Variants in ZNF208 observed in about 807,000 individuals in gnomAD.
ZNF208 encodes zinc finger protein 95.
In ZNF208, 10 loss-of-function variants were observed where a neutral mutation model predicts 12.1. The ratio of observed to expected loss-of-function variants is 0.83; its 90% CI spans 0.51 to 1.40. ZNF208 has a LOEUF of 1.40. Ranked by LOEUF, ZNF208 falls within the 40% of genes most tolerant of loss-of-function variation. The probability of loss-of-function intolerance (pLI) is 0.00; values close to 1 mark genes in which losing one functional copy is unlikely to be tolerated. For synonymous variants in ZNF208, 497 were observed against 488.4 expected, an observed-to-expected ratio of 1.02 and a Z score of -0.23; for missense variants, 1,652 against 1,485.0, an observed-to-expected ratio of 1.11 and a Z score of -1.85.
Position 21,967,228 on chromosome 19 carries a change from T to TA in ZNF208, c.*3962dup, listed in dbSNP as rs1270833394. The TA allele has an allele frequency of 1.3e-5, 2 of 152,104 alleles. No individual in the cohort carries two copies. Among genetic ancestry groups the TA allele is most frequent in the Admixed American group, 6.6e-5 (1 of 15,242 alleles). 9.4% of individuals were successfully genotyped at this position (152,104 alleles called of 1,614,324 possible). A position where few individuals can be genotyped will look rare whatever the true frequency, so the allele number is the denominator to read the frequency against. On this transcript the variant is annotated 3_prime_UTR_variant, in exon 4 of 4. Coordinates refer to ENST00000397126, the MANE Select transcript of ZNF208 (RefSeq NM_007153.3). ...AATCTATATTGAGTTGTTTTTTTTT[T>TA]ATAGAAAAAGGTAGTACAGTTTTCT...
intron 4 of ZNF208, among the ~76,000 whole-genome samples, chr19:21,959,998 TA>T (rs1470187383): frequency 2.0e-5 from 3 of 152,166 alleles, no homozygotes; most frequent in East Asian, 1.9e-4. Flanking sequence ...AAATACACAT[TA>T]AAAATAGCTT....
intron 4 of ZNF208, among the ~76,000 whole-genome samples, chr19:21,954,895 G>T (rs1468768847): frequency 6.6e-6 from 1 of 152,008 alleles, no homozygotes; most frequent in African/African-American, 2.4e-5. Flanking sequence ...TGTTGATTTT[G>T]CTCATTAGTT....
chr19:21,954,639 C>A (rs905709793), intron 4 of ZNF208, among the ~76,000 whole-genome samples: 19 of 151,824 alleles, frequency 1.3e-4, no homozygotes, highest in African/African-American at 3.6e-4. Context: ...CTGTTTTATC[C>A]GAGACTAGGA....
At chr19:21,940,434 T>C (rs1301435821) in intron 4 of ZNF208, 1 of 152,140 alleles carries the variant, frequency 6.6e-6, no homozygotes, top group African/African-American at 2.4e-5. Flanking sequence ...TCTAAGTTTG[T>C]GACCATTAAA....
intron 4 of ZNF208, among the ~76,000 whole-genome samples, chr19:21,947,429 G>C (rs560459713): frequency 6.6e-6 from 1 of 152,238 alleles, no homozygotes; most frequent in South Asian, 2.1e-4. Flanking sequence ...AAAATATAAA[G>C]TTGGAGTTTT....
chr19:21,948,816 G>T (rs1003805748), intron 4 of ZNF208, among the ~76,000 whole-genome samples: 2 of 152,054 alleles, frequency 1.3e-5, no homozygotes, highest in African/African-American at 2.4e-5. Context: ...CAAACAGTAG[G>T]TTACCTAGAG....
At position 21,974,127 on chromosome 19, in the gene ZNF208, G is replaced by A. The variant is rs547283798; in HGVS notation, c.907C>T (p.His303Tyr). 116 of 1,607,464 alleles carry A rather than the reference G, an allele frequency of 7.2e-5. 2 individuals are homozygous for A. In the East Asian group the frequency reaches 2.6e-3, roughly 36 times the overall value. The change falls in exon 4 of 4, where the codon CAT becomes TAT. Residue 303 changes from histidine (H) to tyrosine (Y), a missense_variant. Physicochemically the swap from His to Tyr is moderately conservative, Grantham distance 83. Transcript: ENST00000397126. ...AFSKVSTLTTHKAIHAGEKPY... is the reference protein window; with the variant it reads ...AFSKVSTLTTYKAIHAGEKPY... ...TTCTCTCCAGCATGAATTGCCTTAT[G>A]TGTAGTAAGAGTCGAGACCTTACTA...
At position 21,974,367 on chromosome 19, in the gene ZNF208, G is replaced by A. The variant is rs746542423; in HGVS notation, c.667C>T (p.His223Tyr). Residue 223 changes from histidine to tyrosine, a missense_variant, in exon 4 of 4, where the codon CAT becomes TAT. Coordinates refer to ENST00000397126, the MANE Select transcript of ZNF208 (RefSeq NM_007153.3). Reference protein sequence around the residue: ...SSTLTYYKSAHTGEKPYRCKE... With the variant: ...SSTLTYYKSAYTGEKPYRCKE... ...CATCTGTAGGGTTTCTCTCCAGTAT[G>A]AGCACTCTTATAATAAGTAAGGGTT... The A allele has an allele frequency of 1.9e-6, 3 of 1,613,732 alleles. No homozygotes were observed. The South Asian group carries it at 3.3e-5, about 18-fold the overall frequency.
chr19:21,972,717 C>T lies in ZNF208; in HGVS notation c.2317G>A (p.Val773Ile), dbSNP rs558490237. The part of the protein sequence containing the change: ...TLSYHKKIHT[V>I]EKPYKCEECG... ...TCTTCACATTTGTAGGGTTTCTCTA[C>T]AGTATGAATTTTCTTATGATAACTA... The change falls in exon 4 of 4, where the codon GTA becomes ATA. Residue 773 changes from valine to isoleucine, a missense_variant. By Grantham distance (29) the Val-to-Ile change is conservative. Transcript: ENST00000397126. 1.1e-5 allele frequency: 17 copies of T among 1,590,368 alleles called. No individual in the cohort carries two copies. Among genetic ancestry groups the T allele is most frequent in the Non-Finnish European group, 1.4e-5 (16 of 1,166,716 alleles).
rs1970237574 is a variant in ZNF208 at position 21,969,458 on chromosome 19, G to A, written c.*1733C>T. ...TGTAATATCTGAAGTTTGAGTGACA[G>A]GTATTTCTACTGTGAATTAGCTGAT... On this transcript the variant is annotated 3_prime_UTR_variant, in exon 4 of 4. Coordinates refer to ENST00000397126, the MANE Select transcript of ZNF208 (RefSeq NM_007153.3). 6.6e-6 allele frequency among the ~76,000 whole-genome samples: 1 copy of A among 151,926 alleles called. No homozygotes were observed. Among genetic ancestry groups the A allele is most frequent in the South Asian group, 2.1e-4 (1 of 4,828 alleles).
rs368228889 is a variant in ZNF208, at chr19:21,974,443, T to C, written c.591A>G (p.Arg197=). 16 of 1,613,716 alleles carry C rather than the reference T, an allele frequency of 9.9e-6. 1 individual carries two copies. The highest frequency in any genetic ancestry group is 6.7e-5 in the Admixed American group (4 of 59,970). The change falls in exon 4 of 4, where the codon AGA becomes AGG. Residue 197 remains arginine, a synonymous_variant. Transcript: ENST00000397126. The part of the protein sequence containing the change: ...HLSQHKRIYT[R]ENSYKCEEGG... The stretch of plus-strand genomic sequence containing the variant: ...CTTCTTCACATTTGTAGGAATTCTC[T>C]CTAGTATAAATTCTTTTATGTTGAG...
chr19:21,986,567 AT>A (rs755937140), intron 3 of ZNF208, among the ~76,000 whole-genome samples: 2 of 152,192 alleles, frequency 1.3e-5, no homozygotes, highest in Non-Finnish European at 2.9e-5. Flanking sequence ...AAAATGCCAT[AT>A]TATCCAAAGT....
Position 21,970,625 on chromosome 19 carries a change from G to GTTCCAT in ZNF208, c.*565_*566insATGGAA. ...CATTTGTAGGGCTTCTCACCAGTAT[G>GTTCCAT]AATTCTCTTATGTTCCATAAGGTTT... On this transcript the variant is annotated 3_prime_UTR_variant, in exon 4 of 4. Transcript: ENST00000397126. 2 of 965,016 alleles carry GTTCCAT rather than the reference G, an allele frequency of 2.1e-6. No homozygotes were observed. The highest frequency in any genetic ancestry group is 2.6e-5 in the South Asian group (2 of 77,698). 59.8% of individuals were successfully genotyped at this position (965,016 alleles called of 1,614,324 possible).
chr19:21,974,561 G>C lies in ZNF208; in HGVS notation c.473C>G (p.Ser158Ter). ...GKYANVFHKC[S>*]NSNRHKIRHT... ...CCTTATCTTATGTCTGTTTGAATTT[G>C]AACATTTATGAAAGACATTTGCATA... Residue 158 changes from serine (S) to a stop codon, truncating the protein, a stop_gained, in exon 4 of 4, where the codon TCA (serine) becomes TGA (stop). Coordinates refer to ENST00000397126, the MANE Select transcript of ZNF208 (RefSeq NM_007153.3). LOFTEE classifies it low-confidence loss of function (END_TRUNC). 6 of 1,613,574 alleles carry C rather than the reference G, an allele frequency of 3.7e-6. No homozygotes were observed. The Admixed American group carries it at 1.0e-4, about 27-fold the overall frequency.
chr19:21,971,398 A>G lies in ZNF208; in HGVS notation c.3636T>C (p.Leu1212=). Residue 1212 remains leucine (L), a synonymous_variant, in exon 4 of 4, where the codon CTT becomes CTC. Coordinates refer to ENST00000397126, the MANE Select transcript of ZNF208 (RefSeq NM_007153.3). ...CAGTATGAATTTTCTTGTGATATCT[A>G]AGGGTTGAGGGCCACTTATAGGCTT... ...CGKAYKWPST[L]RYHKKIHTGE... is the part of the protein sequence containing the mutation. 1 of 1,608,754 alleles carries G rather than the reference A, an allele frequency of 6.2e-7. No homozygotes were observed. Among genetic ancestry groups the G allele is most frequent in the Non-Finnish European group, 8.5e-7 (1 of 1,179,052 alleles).
At chr19:21,946,485 T>C (rs2666453) in intron 4 of ZNF208, among the ~76,000 whole-genome samples, 84,779 of 152,038 alleles carry the variant, frequency 0.56, 23,901 homozygotes, top group East Asian at 0.69. Flanking sequence ...GTAGGACTTT[T>C]TTCTTTTTGC....
chr19:21,991,163 A>C (rs912174552), intron 1 of ZNF208, among the ~76,000 whole-genome samples: 13 of 152,234 alleles, frequency 8.5e-5, no homozygotes, highest in Admixed American at 7.9e-4. Flanking sequence ...GTGGTGAGAG[A>C]GGGCATCCCT....
In ZNF208 at chr19:22,007,953, G is replaced by A. The variant is rs60317806; in HGVS notation, c.3+2839C>T. On this transcript the variant is annotated intron_variant, in intron 1 of 3. Coordinates refer to ENST00000397126, the MANE Select transcript of ZNF208 (RefSeq NM_007153.3). ...CGTGATGCAGAGGTTTCAGTGAGCC[G>A]AGATTGCACCACTGCAGTCCAGCCT... is the stretch of plus-strand genomic sequence containing the variant. 7.4e-3 allele frequency among the ~76,000 whole-genome samples: 1,059 copies of A among 143,746 alleles called. 13 individuals carry two copies. The highest frequency in any genetic ancestry group is 0.026 in the African/African-American group (974 of 38,082). 94.3% of individuals were successfully genotyped at this position (143,746 alleles called of 152,430 possible).
intron 3 of ZNF208, among the ~76,000 whole-genome samples, chr19:21,979,915 G>A (rs1970505760): frequency 6.6e-6 from 1 of 151,988 alleles, no homozygotes; most frequent in Admixed American, 6.6e-5. Flanking sequence ...AAAGAAAGCA[G>A]GGGTTGCAAT....
Sources: allele counts gnomAD v4.1 joint callset (sites outside exome capture counted in the v4.1 genomes callset), GRCh38; gene constraint gnomAD v4.1.1; transcripts MANE v1.5; gene names NCBI Gene and HGNC (gene_info 2026-07-23, HGNC 2026-07-21).